Variants in MFN2 observed in about 807,000 individuals in gnomAD.
MFN2 encodes mitofusin-2.
MFN2 carries 43 observed loss-of-function variants against 87.5 expected under a neutral mutation model. The ratio of observed to expected loss-of-function variants is 0.49; its 90% CI spans 0.38 to 0.63. The LOEUF is 0.63. Among genes scored for constraint, MFN2 ranks in the 30% least tolerant of loss-of-function variants. MFN2 has a pLI of 0.00. For synonymous variants in MFN2, 337 were observed against 359.9 expected, an observed-to-expected ratio of 0.94 and a Z score of 0.72; for missense variants, 743 against 972.8, an observed-to-expected ratio of 0.76 and a Z score of 3.14.
intron 1 of MFN2, among the ~76,000 whole-genome samples, chr1:11,980,718 C>T (rs1171695247): frequency 1.3e-5 from 2 of 152,224 alleles, no homozygotes; most frequent in African/African-American, 4.8e-5. Context: ...TCATCGCCCC[C>T]GCCTTTCCAC....
rs1553145172 is a variant in MFN2, at chr1:12,005,914, A to G, written c.1699A>G (p.Met567Val). The G allele has an allele frequency of 6.2e-7, 1 of 1,613,584 alleles. No individual in the cohort carries two copies. The highest frequency in any genetic ancestry group is 8.5e-7 in the Non-Finnish European group (1 of 1,179,998). Residue 567 changes from methionine to valine, a missense_variant, in exon 15 of 19, where the codon ATG becomes GTG. Met to Val is a conservative substitution (Grantham distance 21). Transcript: ENST00000235329. ...CCCCAAGAACAGCCGTCGGGCCTTG[A>G]TGGGCTACAATGACCAGGCAAGCAA... is the stretch of plus-strand genomic sequence containing the variant. ...LGPKNSRRAL[M>V]GYNDQVQRPI... is the part of the protein sequence containing the mutation.
intron 2 of MFN2, among the ~76,000 whole-genome samples, chr1:11,985,187 G>A (rs1225062448): frequency 6.6e-6 from 1 of 152,134 alleles, no homozygotes; most frequent in African/African-American, 2.4e-5. Flanking sequence ...GTTGGTGTGT[G>A]GGGAAGAAAC....
intron 17 of MFN2, among the ~76,000 whole-genome samples, chr1:12,007,462 A>G (rs1639475113): frequency 1.3e-5 from 2 of 152,254 alleles, no homozygotes; most frequent in Admixed American, 6.5e-5. Flanking sequence ...GGGACGGGGT[A>G]GGCCTCTGGG....
At position 12,003,936 on chromosome 1, in the gene MFN2, G is replaced by T; in HGVS notation, c.1161-56G>T. ...CGTGGGATTTCTGGCATCCCCTCTT[G>T]CTCCTCTGCTTAGTCAGACAGGAAC... On this transcript the variant is annotated intron_variant, in intron 11 of 18. Coordinates refer to ENST00000235329, the MANE Select transcript of MFN2 (RefSeq NM_014874.4). This position sits in a 1 kb window ranked among gnomAD's most constrained non-coding sequence, Gnocchi z 4.1. The T allele has an allele frequency of 1.9e-6, 3 of 1,612,464 alleles. No homozygotes were observed. Among genetic ancestry groups the T allele is most frequent in the Non-Finnish European group, 2.5e-6 (3 of 1,178,916 alleles).
Position 12,004,266 on chromosome 1 carries a change from C to G in MFN2, c.1287+148C>G, listed in dbSNP as rs76963293. The G allele has an allele frequency of 1.4e-3, 1,621 of 1,169,872 alleles. 23 individuals are homozygous for G. The East Asian group carries it at 0.027, about 20-fold the overall frequency. The allele number at this position is 1,169,872 out of a possible 1,614,324, so 72.5% of individuals were successfully genotyped here. ...AGAATACAGAGCTGCCGTTTGGGTT[C>G]CATTGTCGGGTTGTGTGATGCTGGG... is the stretch of plus-strand genomic sequence containing the variant. On this transcript the variant is annotated intron_variant, in intron 12 of 18. Transcript: ENST00000235329. This position sits in a 1 kb window ranked among gnomAD's most constrained non-coding sequence, Gnocchi z 4.2.
chr1:11,988,901 C>T (rs1353430213), intron 2 of MFN2, among the ~76,000 whole-genome samples: 1 of 151,976 alleles, frequency 6.6e-6, no homozygotes, highest in Non-Finnish European at 1.5e-5. Flanking sequence ...GGGGTTTCAC[C>T]ATGTTGGCCA....
intron 8 of MFN2, among the ~76,000 whole-genome samples, chr1:12,000,561 G>A (rs891869093): frequency 3.9e-5 from 6 of 152,170 alleles, no homozygotes; most frequent in African/African-American, 1.4e-4. Context: ...CCTGGCCAGT[G>A]TGATGGTGTG....
Position 12,005,062 on chromosome 1 carries a change from C to T in MFN2, c.1495+135C>T, listed in dbSNP as rs1466426255. On this transcript the variant is annotated intron_variant, in intron 14 of 18. Transcript: ENST00000235329. ...TGATTCAACTCGATACCTTCAGGTT[C>T]TGGGTACATGTTCTGAACTCATTCT... 5 of 749,538 alleles carry T rather than the reference C, an allele frequency of 6.7e-6. No homozygotes were observed. In the Admixed American group the frequency reaches 1.0e-4, roughly 15 times the overall value. The allele number at this position is 749,538 out of a possible 1,614,324, so 46.4% of individuals were successfully genotyped here.
chr1:12,009,724 C>G lies in MFN2; in HGVS notation c.2202C>G (p.Leu734=). The part of the protein sequence containing the change: ...LDSLQSKAKL[L]RNKAGWLDSE... ...CACTTCAGAGCAAAGCAAAGCTGCT[C>G]AGGTGAGGCTGGCCCGTGTGGCCAA... Residue 734 remains leucine (L), a splice_region_variant and synonymous_variant, in exon 18 of 19, where the codon CTC becomes CTG. Transcript: ENST00000235329. The G allele has an allele frequency of 6.2e-7, 1 of 1,614,226 alleles. No individual in the cohort carries two copies. Among genetic ancestry groups the G allele is most frequent in the Non-Finnish European group, 8.5e-7 (1 of 1,180,032 alleles).
intron 5 of MFN2, 67 bp from the exon 6 acceptor site, chr1:11,997,230 C>T (rs539310603): frequency 3.9e-5 from 63 of 1,606,354 alleles, no homozygotes; most frequent in Middle Eastern, 3.5e-4. Context: ...TGTGATGCAG[C>T]GGCACAGGAA....
At chr1:11,997,895 T>C (rs1286107929) in intron 6 of MFN2, among the ~76,000 whole-genome samples, 1 of 143,464 alleles carries the variant, frequency 7.0e-6, no homozygotes, top group African/African-American at 2.6e-5. Context: ...TTTTTTTTTT[T>C]TTTTTTGAGA....
At chr1:12,001,375 T>G in intron 8 of MFN2, 26 bp from the exon 9 acceptor site, 1 of 1,612,470 alleles carries the variant, frequency 6.2e-7, no homozygotes. Context: ...CTACACTCAC[T>G]CTGGACACAT....
chr1:11,996,931 G>A (rs762963582), intron 5 of MFN2, among the ~76,000 whole-genome samples: 21 of 151,848 alleles, frequency 1.4e-4, no homozygotes, highest in Non-Finnish European at 2.5e-4. Context: ...CCAGCTAGTC[G>A]CGAGGCTGAG....
chr1:11,990,833 T>TGCCC (rs1638644295), intron 3 of MFN2, among the ~76,000 whole-genome samples: 1 of 152,054 alleles, frequency 6.6e-6, no homozygotes, highest in Non-Finnish European at 1.5e-5. Context: ...AAGGGAGGAA[T>TGCCC]ATTGATGCAT....
At position 12,004,459 on chromosome 1, in the gene MFN2, T is replaced by C; in HGVS notation, c.1288-50T>C. ...AGGATCTCTCCTGGTGCTGCAGGAGTGAACTTTGGTCTTCCTTGATACTTA... is the reference window on the plus strand; with the variant it reads ...AGGATCTCTCCTGGTGCTGCAGGAGCGAACTTTGGTCTTCCTTGATACTTA... On this transcript the variant is annotated intron_variant, in intron 12 of 18. Transcript: ENST00000235329. This position sits in a 1 kb window ranked among gnomAD's most constrained non-coding sequence, Gnocchi z 4.2. The C allele has an allele frequency of 6.7e-7, 1 of 1,491,316 alleles. No homozygotes were observed. The highest frequency in any genetic ancestry group is 9.4e-7 in the Non-Finnish European group (1 of 1,068,506). The allele number at this position is 1,491,316 out of a possible 1,614,324, so 92.4% of individuals were successfully genotyped here.
intron 4 of MFN2, among the ~76,000 whole-genome samples, chr1:11,995,642 TA>T (rs796776648): frequency 4.7e-4 from 66 of 141,304 alleles, no homozygotes; most frequent in East Asian, 6.1e-4. Context: ...CAAATAACAA[TA>T]AAAAAAAAAA....
intron 3 of MFN2, 72 bp from the exon 4 acceptor site, chr1:11,992,483 T>C: frequency 6.3e-7 from 1 of 1,594,920 alleles, no homozygotes; most frequent in Non-Finnish European, 8.6e-7. Context: ...GCCGGCGCTC[T>C]GGCCCTTCCA....
chr1:12,000,502 A>G (rs993514086), intron 8 of MFN2, among the ~76,000 whole-genome samples: 7 of 152,192 alleles, frequency 4.6e-5, no homozygotes, highest in African/African-American at 1.7e-4. Context: ...GACTGACACT[A>G]GGCAGTGTGA....
intron 2 of MFN2, among the ~76,000 whole-genome samples, chr1:11,984,824 G>A (rs531505012): frequency 1.3e-5 from 2 of 152,296 alleles, no homozygotes; most frequent in South Asian, 2.1e-4. Context: ...GCTCAGGGAG[G>A]GCACAGAAAC....
Sources: gnomAD v4.1 joint callset for allele counts (sites outside exome capture counted in the v4.1 genomes callset) on GRCh38, gnomAD v4.1.1 for gene constraint, Gnocchi (gnomAD v3.1) non-coding constraint, MANE v1.5 for transcripts, NCBI Gene and HGNC (gene_info 2026-07-23, HGNC 2026-07-21) for gene names.